NRCAM: variants seen among roughly 807,000 people sequenced by gnomAD.
NRCAM encodes neuronal cell adhesion molecule.
Under a neutral mutation model 156.5 loss-of-function variants are expected in NRCAM, and 83 were observed. The ratio of observed to expected loss-of-function variants is 0.53; its 90% CI spans 0.44 to 0.64. The LOEUF (loss-of-function observed/expected upper bound fraction) is 0.64. Among genes scored for constraint, NRCAM ranks in the 30% least tolerant of loss-of-function variants. The pLI is 0.00. For synonymous variants in NRCAM, 538 were observed against 563.9 expected (o/e 0.95, Z 0.65); for missense variants, 1,417 against 1,597.3 (o/e 0.89, Z 1.92).
intron 3 of NRCAM, among the ~76,000 whole-genome samples, chr7:108,311,045 C>T (rs181077726): frequency 6.6e-6 from 1 of 152,128 alleles, no homozygotes; most frequent in Non-Finnish European, 1.5e-5. Context: ...TGGGAGAGCA[C>T]CTGCTGTTGA....
intron 3 of NRCAM, among the ~76,000 whole-genome samples, chr7:108,256,128 C>T (rs1396426373): frequency 1.3e-5 from 2 of 152,180 alleles, no homozygotes; most frequent in Non-Finnish European, 2.9e-5. Context: ...GGAGGTGTAC[C>T]CAACAGCTCA....
chr7:108,337,220 G>A (rs1397523108), intron 2 of NRCAM, among the ~76,000 whole-genome samples: 1 of 149,798 alleles, frequency 6.7e-6, no homozygotes, highest in African/African-American at 2.5e-5. Context: ...CTGAGACTGT[G>A]CCACTGCACT....
intron 11 of NRCAM, among the ~76,000 whole-genome samples, chr7:108,219,397 A>G (rs1284435878): frequency 6.6e-6 from 1 of 152,132 alleles, no homozygotes; most frequent in Non-Finnish European, 1.5e-5. Context: ...GACATAACCA[A>G]AAAAAGAAAC....
chr7:108,193,966 G>T, intron 17 of NRCAM, 58 bp downstream of exon 17: 1 of 1,557,392 alleles, frequency 6.4e-7, no homozygotes, highest in Admixed American at 1.7e-5. Context: ...TAGACCTTTA[G>T]TTCAAGAATA....
intron 3 of NRCAM, among the ~76,000 whole-genome samples, chr7:108,264,490 T>G (rs1470150036): frequency 6.6e-6 from 1 of 152,226 alleles, no homozygotes; most frequent in Non-Finnish European, 1.5e-5. Flanking sequence ...CAACACAGAT[T>G]ATTCTTCTAC....
intron 12 of NRCAM, among the ~76,000 whole-genome samples, chr7:108,208,523 T>C (rs2082352244): frequency 6.6e-6 from 1 of 152,208 alleles, no homozygotes; most frequent in Admixed American, 6.5e-5. Context: ...CTACACATTC[T>C]GTTAGGATTT....
intron 2 of NRCAM, among the ~76,000 whole-genome samples, chr7:108,313,643 T>G (rs980065559): frequency 6.6e-6 from 1 of 152,170 alleles, no homozygotes; most frequent in African/African-American, 2.4e-5. Context: ...CTGCATTAAG[T>G]TGCAAAAAAT....
At chr7:108,273,951 T>A (rs540751066) in intron 3 of NRCAM, among the ~76,000 whole-genome samples, 5 of 152,350 alleles carry the variant, frequency 3.3e-5, no homozygotes, top group Admixed American at 6.5e-5. Context: ...AGTTTCAACT[T>A]CTACATATGG....
intron 3 of NRCAM, among the ~76,000 whole-genome samples, chr7:108,277,890 C>T (rs1039822875): frequency 3.3e-5 from 5 of 152,190 alleles, no homozygotes; most frequent in Non-Finnish European, 5.9e-5. Context: ...TACCTTTGGT[C>T]TTTGATGTTG....
At chr7:108,362,373 A>T (rs185143770) in intron 2 of NRCAM, among the ~76,000 whole-genome samples, 1 of 152,308 alleles carries the variant, frequency 6.6e-6, no homozygotes, top group East Asian at 1.9e-4. Context: ...AGATTTCAAC[A>T]TATGAATTTT....
Position 108,150,165 on chromosome 7 carries a change from C to T in NRCAM, c.3678-18G>A, listed in dbSNP as rs149664055. 1 of 1,572,702 alleles carries T rather than the reference C, an allele frequency of 6.4e-7. No homozygotes were observed. The highest frequency in any genetic ancestry group is 2.2e-5 in the East Asian group (1 of 44,626). ...CTGCATCACTGGAAGAAAGAGAAAACATTTTTGTCAAGATTGGCATTTAGG... is the reference window on the plus strand; with the variant it reads ...CTGCATCACTGGAAGAAAGAGAAAATATTTTTGTCAAGATTGGCATTTAGG... On this transcript the variant is annotated intron_variant, in intron 32 of 32. Transcript: ENST00000379028.
At chr7:108,298,334 C>A (rs767933810) in intron 3 of NRCAM, among the ~76,000 whole-genome samples, 4 of 151,716 alleles carry the variant, frequency 2.6e-5, no homozygotes, top group Admixed American at 6.6e-5. Context: ...CTCCTCTATC[C>A]AAAACAACCC....
chr7:108,397,567 G>C (rs1327250374), intron 2 of NRCAM, among the ~76,000 whole-genome samples: 1 of 152,072 alleles, frequency 6.6e-6, no homozygotes, highest in Non-Finnish European at 1.5e-5. Flanking sequence ...AAAGGGAGGG[G>C]CCCTAACACC....
At chr7:108,315,646 A>G (rs1028170105) in intron 2 of NRCAM, among the ~76,000 whole-genome samples, 5 of 152,198 alleles carry the variant, frequency 3.3e-5, no homozygotes, top group African/African-American at 1.2e-4. Flanking sequence ...CCCCAAGTTT[A>G]GCACCAAGTT....
intron 8 of NRCAM, among the ~76,000 whole-genome samples, chr7:108,229,580 G>C (rs565633097): frequency 6.6e-6 from 1 of 152,258 alleles, no homozygotes; most frequent in South Asian, 2.1e-4. Context: ...CAGTCTCCCA[G>C]ACTCTGCTTT....
chr7:108,164,655 T>C (rs2052636303), intron 30 of NRCAM, among the ~76,000 whole-genome samples: 1 of 152,084 alleles, frequency 6.6e-6, no homozygotes, highest in South Asian at 2.1e-4. Context: ...GGATGAAGCA[T>C]TGTGAACTGG....
chr7:108,441,255 C>G (rs1279563653), intron 1 of NRCAM, among the ~76,000 whole-genome samples: 1 of 152,096 alleles, frequency 6.6e-6, no homozygotes, highest in East Asian at 1.9e-4. Flanking sequence ...ACTTGGACCC[C>G]CCAACATATA....
intron 1 of NRCAM, among the ~76,000 whole-genome samples, chr7:108,421,738 G>C (rs545599395): frequency 4.6e-5 from 7 of 152,172 alleles, no homozygotes; most frequent in Non-Finnish European, 8.8e-5. Context: ...CAATTGGGTA[G>C]CAACCACTGA....
chr7:108,356,545 A>T (rs1481933680), intron 2 of NRCAM, among the ~76,000 whole-genome samples: 3 of 152,184 alleles, frequency 2.0e-5, no homozygotes, highest in Non-Finnish European at 4.4e-5. Flanking sequence ...TAACCTAAAA[A>T]TCTGTTTAAC....
Sources: gnomAD v4.1 joint callset for allele counts (sites outside exome capture counted in the v4.1 genomes callset) on GRCh38, gnomAD v4.1.1 for gene constraint, MANE v1.5 for transcripts, NCBI Gene and HGNC (gene_info 2026-07-23, HGNC 2026-07-21) for gene names.